The following SPATA6L variants were observed in gnomAD, a reference collection of about 807,000 sequenced individuals.
SPATA6L encodes the protein spermatogenesis associated 6 like.
In SPATA6L, 68 loss-of-function variants were observed where a neutral mutation model predicts 49.2. The ratio of observed to expected loss-of-function variants is 1.38; its 90% CI spans 1.14 to 1.69. The LOEUF (loss-of-function observed/expected upper bound fraction) is 1.69, where lower values mean the gene tolerates loss of function less well. SPATA6L is among the 40% of genes most tolerant of loss of function. The pLI is 0.00. For synonymous variants in SPATA6L, 198 were observed against 165.7 expected (o/e 1.19, Z -1.50); for missense variants, 668 against 464.3 (o/e 1.44, Z -4.03).
intron 2 of SPATA6L, 41 bp from the exon 3 acceptor site, chr9:4,656,130 T>A (rs753004175): frequency 1.4e-5 from 22 of 1,556,816 alleles, no homozygotes; most frequent in Non-Finnish European, 1.9e-5. Context: ...CAAAGTTGTA[T>A]TAATAAGCGC....
intron 5 of SPATA6L, chr9:4,627,813 G>A (rs1447648824): frequency 7.8e-7 from 1 of 1,289,102 alleles, no homozygotes; most frequent in East Asian, 5.5e-5. Flanking sequence ...GTGGCCCCAT[G>A]TTTACTGCAG....
chr9:4,656,630 GAATA>G (rs1838290120), intron 2 of SPATA6L, among the ~76,000 whole-genome samples: 1 of 152,180 alleles, frequency 6.6e-6, no homozygotes, highest in African/African-American at 2.4e-5. Context: ...AGTGATTATA[GAATA>G]AATGAAGGAT....
intron 1 of SPATA6L, among the ~76,000 whole-genome samples, chr9:4,665,998 GAAA>G (rs201157887): frequency 7.1e-6 from 1 of 141,220 alleles, no homozygotes; most frequent in African/African-American, 2.6e-5. Context: ...CTTTAGAACA[GAAA>G]AAAAAAAAAG....
At chr9:4,607,339 T>C (rs1449800639) in intron 9 of SPATA6L, among the ~76,000 whole-genome samples, 1 of 151,960 alleles carries the variant, frequency 6.6e-6, no homozygotes, top group Admixed American at 6.6e-5. Flanking sequence ...ACACACATAA[T>C]TGTCAGATTC....
At chr9:4,660,609 G>A (rs747842256) in intron 2 of SPATA6L, among the ~76,000 whole-genome samples, 5 of 152,206 alleles carry the variant, frequency 3.3e-5, no homozygotes, top group Non-Finnish European at 7.3e-5. Flanking sequence ...CAACCCATGT[G>A]GAAGACAGTG....
Position 4,605,408 on chromosome 9 carries a change from T to G in SPATA6L, c.1028A>C (p.Asn343Thr). 6.2e-7 allele frequency: 1 copy of G among 1,614,052 alleles called. No individual in the cohort carries two copies. Among genetic ancestry groups the G allele is most frequent in the South Asian group, 1.1e-5 (1 of 91,080 alleles). Residue 343 changes from asparagine (N) to threonine (T), a missense_variant, in exon 10 of 12, where the codon AAT becomes ACT. Coordinates refer to ENST00000682582, the MANE Select transcript of SPATA6L (RefSeq NM_001353486.2). ...FHPGSQSTWK[N>T]IHERVCSLLT... ...AAGACTGCATACCCTCTCATGGATA[T>G]TCTTCCATGTGGACTGAGAACCAGG...
chr9:4,620,401 C>T (rs1024482033), intron 7 of SPATA6L, among the ~76,000 whole-genome samples: 1 of 152,198 alleles, frequency 6.6e-6, no homozygotes, highest in Non-Finnish European at 1.5e-5. Flanking sequence ...AAAGTGCAGT[C>T]CATAGACCAG....
intron 5 of SPATA6L, chr9:4,627,161 G>GA (rs1290794425): frequency 1.4e-5 from 2 of 146,986 alleles, no homozygotes; most frequent in South Asian, 2.2e-4. Flanking sequence ...AGGAGTTCAA[G>GA]AAAAAAAACA....
chr9:4,629,767 G>GTATATATATATATATA lies in SPATA6L; in HGVS notation c.352-600_352-599insTATATATATATATATA, dbSNP rs1423783733. ...TTGTGTTTTATATATGTGTGTGTGT[G>GTATATATATATATATA]TGTATATATATATATATATATATAT... On this transcript the variant is annotated intron_variant, in intron 4 of 11. Transcript: ENST00000682582. Among the ~76,000 whole-genome samples the GTATATATATATATATA allele has an allele frequency of 7.4e-4, 66 of 88,888 alleles. 1 individual carries two copies. The highest frequency in any genetic ancestry group is 4.2e-3 in the African/African-American group (65 of 15,642). 58.3% of individuals were successfully genotyped at this position (88,888 alleles called of 152,430 possible).
Position 4,666,359 on chromosome 9 carries a change from C to G in SPATA6L, c.-109G>C, listed in dbSNP as rs1840865536. The G allele has an allele frequency of 1.8e-5, 21 of 1,178,370 alleles. 1 individual carries two copies. In the South Asian group the frequency reaches 2.7e-4, roughly 15 times the overall value. 73.0% of individuals were successfully genotyped at this position (1,178,370 alleles called of 1,614,324 possible). On this transcript the variant is annotated 5_prime_UTR_variant, in exon 1 of 12. Coordinates refer to ENST00000682582, the MANE Select transcript of SPATA6L (RefSeq NM_001353486.2). ...TACCTAGAGCAAATGTTCCCAGAAG[C>G]TTCCCCAGTCCCACGCCCTTGTTCC...
intron 9 of SPATA6L, among the ~76,000 whole-genome samples, chr9:4,613,236 A>G (rs201852401): frequency 2.6e-4 from 40 of 151,738 alleles, no homozygotes; most frequent in Non-Finnish European, 4.6e-4. Context: ...TCAAAAAAAA[A>G]AAAGAAAGAA....
chr9:4,597,084 A>G (rs1342398022), downstream of SPATA6L, among the ~76,000 whole-genome samples: 1 of 152,188 alleles, frequency 6.6e-6, no homozygotes, highest in African/African-American at 2.4e-5. Flanking sequence ...ATTATACATA[A>G]GGACATTGAG....
chr9:4,635,460 A>T, intron 3 of SPATA6L, 61 bp from the exon 4 acceptor site: 2 of 1,511,606 alleles, frequency 1.3e-6, no homozygotes, highest in Non-Finnish European at 1.8e-6. Context: ...TTAACAAAAT[A>T]AAAGTTCAGG....
intron 11 of SPATA6L, among the ~76,000 whole-genome samples, chr9:4,603,688 G>T (rs10974645): frequency 6.6e-6 from 1 of 152,130 alleles, no homozygotes; most frequent in African/African-American, 2.4e-5. Context: ...TAAACAATCA[G>T]CCCAGATAAA....
chr9:4,614,132 T>C (rs546251546), intron 9 of SPATA6L, among the ~76,000 whole-genome samples: 1 of 152,196 alleles, frequency 6.6e-6, no homozygotes, highest in African/African-American at 2.4e-5. Context: ...GCCTTCTCCA[T>C]GGGATCTACC....
chr9:4,599,187 G>T lies in SPATA6L; in HGVS notation c.*1624C>A, dbSNP rs933393111. Among the ~76,000 whole-genome samples the T allele has an allele frequency of 2.7e-4, 41 of 152,180 alleles. No individual in the cohort carries two copies. Among genetic ancestry groups the T allele is most frequent in the African/African-American group, 9.9e-4 (41 of 41,446 alleles). On this transcript the variant is annotated 3_prime_UTR_variant, in exon 12 of 12. Coordinates refer to ENST00000682582, the MANE Select transcript of SPATA6L (RefSeq NM_001353486.2). The stretch of plus-strand genomic sequence containing the variant: ...TGCATTTGACTGCACCCTGCCACAT[G>T]CAGTCAGATGTGGAATTTTTCACTT...
Position 4,604,194 on chromosome 9 carries a change from G to A in SPATA6L, c.1165C>T (p.Gln389Ter), listed in dbSNP as rs886723318. ...YPLKKYSLHE[Q>*]RYF is the part of the protein sequence containing the mutation. ...AAGACAGTACCTTAAAAATATCTCT[G>A]TTCATGCAGTGAGTATTTCTTCAGA... Residue 389 changes from glutamine (Q) to a stop codon, truncating the protein, a stop_gained, in exon 11 of 12, where the codon CAG (glutamine) becomes TAG (stop). Coordinates refer to ENST00000682582, the MANE Select transcript of SPATA6L (RefSeq NM_001353486.2). LOFTEE classifies it high-confidence loss of function. 9 of 1,610,116 alleles carry A rather than the reference G, an allele frequency of 5.6e-6. No homozygotes were observed. Among genetic ancestry groups the A allele is most frequent in the Non-Finnish European group, 6.8e-6 (8 of 1,177,184 alleles).
Position 4,606,168 on chromosome 9 carries a change from A to G in SPATA6L, c.996-728T>C, listed in dbSNP as rs565347827. ...GTCCTACGCCCACGGAGTCTCGCTG[A>G]TTGCTAGCACAGCAGTCTGAGATCA... On this transcript the variant is annotated intron_variant, in intron 9 of 11. Transcript: ENST00000682582. Among the ~76,000 whole-genome samples, 746 of 151,548 alleles carry G rather than the reference A, an allele frequency of 4.9e-3. 5 individuals are homozygous for G. Among genetic ancestry groups the G allele is most frequent in the African/African-American group, 0.017 (686 of 41,188 alleles).
intron 11 of SPATA6L, 95 bp downstream of exon 11, chr9:4,604,084 C>G (rs1824075960): frequency 3.9e-6 from 3 of 778,802 alleles, no homozygotes; most frequent in Non-Finnish European, 4.2e-6. Flanking sequence ...TCCACACTTT[C>G]TAGTTACTTC....
Sources: allele counts gnomAD v4.1 joint callset (sites outside exome capture counted in the v4.1 genomes callset), GRCh38; gene constraint gnomAD v4.1.1; transcripts MANE v1.5; gene names NCBI Gene and HGNC (gene_info 2026-07-23, HGNC 2026-07-21).